Variants in B4GALNT4 observed in about 807,000 individuals in gnomAD.
B4GALNT4 encodes N-acetyl-beta-glucosaminyl-glycoprotein 4-beta-N-acetylgalactosaminyltransferase 1.
A neutral mutation model predicts 110.0 loss-of-function variants in B4GALNT4; 77 were observed. The observed-to-expected ratio is 0.70, with a 90% CI of 0.58 to 0.85. The LOEUF (loss-of-function observed/expected upper bound fraction) is 0.85, where lower values mean the gene tolerates loss of function less well. Among genes scored for constraint, B4GALNT4 ranks in the 40% least tolerant of loss-of-function variants. B4GALNT4 has a pLI of 0.00. For synonymous variants in B4GALNT4, 785 were observed against 655.5 expected (o/e 1.20, Z -3.02); for missense variants, 1,575 against 1,506.0 (o/e 1.05, Z -0.76).
At position 379,979 on chromosome 11, in the gene B4GALNT4, A is replaced by G; in HGVS notation, c.2602A>G (p.Met868Val). ...VVLVDFESED[M>V]DVERALRAAR... The stretch of plus-strand genomic sequence containing the variant: ...CCTGGTGGATTTCGAGAGCGAGGAT[A>G]TGGACGTGGAGCGGGCCCTGCGCGC... The change falls in exon 16 of 20, where the codon ATG (methionine) becomes GTG (valine). Residue 868 changes from methionine to valine, a missense_variant. Transcript: ENST00000329962. 6.2e-7 allele frequency: 1 copy of G among 1,613,008 alleles called. No homozygotes were observed. The highest frequency in any genetic ancestry group is 8.5e-7 in the Non-Finnish European group (1 of 1,179,828).
chr11:374,037 A>G lies in B4GALNT4; in HGVS notation c.783+209A>G, dbSNP rs533129386. On this transcript the variant is annotated intron_variant, in intron 8 of 19. Transcript: ENST00000329962. ...TTTGAGTAGAGTCTTGAGAGGATGG[A>G]GACCTTCAGTAGGGAGATGTGGGGG... Among the ~76,000 whole-genome samples, 3 of 152,074 alleles carry G rather than the reference A, an allele frequency of 2.0e-5. No individual in the cohort carries two copies. The East Asian group carries it at 5.8e-4, about 30-fold the overall frequency.
At position 376,131 on chromosome 11, in the gene B4GALNT4, G is replaced by C. The variant is rs746690452; in HGVS notation, c.1153G>C (p.Asp385His). The change falls in exon 12 of 20, where the codon GAC (aspartate) becomes CAC (histidine). Residue 385 changes from aspartate (D) to histidine (H), a missense_variant. Physicochemically the swap from Asp to His is moderately conservative, Grantham distance 81. Coordinates refer to ENST00000329962, the MANE Select transcript of B4GALNT4 (RefSeq NM_178537.5). The stretch of plus-strand genomic sequence containing the variant: ...CACTCGCCTCACCCACATGGAGACG[G>C]ACAACAAGTGCTTCTACCGCGAGTC... Reference protein sequence around the residue: ...DYTRLTHMETDNKCFYRESPL... With the variant: ...DYTRLTHMETHNKCFYRESPL... 2.7e-6 allele frequency: 4 copies of C among 1,456,188 alleles called. No individual in the cohort carries two copies. In the South Asian group the frequency reaches 4.5e-5, roughly 16 times the overall value. The allele number at this position is 1,456,188 out of a possible 1,614,324, so 90.2% of individuals were successfully genotyped here. A position where few individuals can be genotyped will look rare whatever the true frequency, so the allele number is the denominator to read the frequency against.
At chr11:375,423 C>G (rs1469192246) in intron 8 of B4GALNT4, 38 bp from the exon 9 acceptor site, 1 of 1,608,436 alleles carries the variant, frequency 6.2e-7, no homozygotes, top group African/African-American at 1.3e-5. Flanking sequence ...GACCCAGCCA[C>G]CGCCCTGTCC....
Position 377,150 on chromosome 11 carries a change from G to C in B4GALNT4, c.2027G>C (p.Arg676Pro), listed in dbSNP as rs770437353. The C allele has an allele frequency of 1.9e-6, 3 of 1,544,746 alleles. No individual in the cohort carries two copies. The Admixed American group carries it at 5.9e-5, about 31-fold the overall frequency. The change falls in exon 14 of 20, where the codon CGT (arginine) becomes CCT (proline). Residue 676 changes from arginine to proline, a missense_variant. By Grantham distance (103) the Arg-to-Pro change is moderately radical. Coordinates refer to ENST00000329962, the MANE Select transcript of B4GALNT4 (RefSeq NM_178537.5). ...EAAGPALGRW[R>P]EDAIDWQRTF... ...GCGGGCCCGGCGCTCGGACGCTGGC[G>C]TGAGGACGCCATCGACTGGCAGCGC... is the stretch of plus-strand genomic sequence containing the variant.
chr11:373,540 G>A (rs1846663381), intron 7 of B4GALNT4, 24 bp downstream of exon 7: 4 of 1,609,150 alleles, frequency 2.5e-6, no homozygotes, highest in South Asian at 1.1e-5. Flanking sequence ...GGGTGCATGT[G>A]CGTGCACTTG....
rs1846824711 is a variant in B4GALNT4 at position 379,445 on chromosome 11, C to A, written c.2232C>A (p.Asn744Lys). The change falls in exon 15 of 20, where the codon AAC (asparagine) becomes AAA (lysine). Residue 744 changes from asparagine (N) to lysine (K), a missense_variant. By Grantham distance (94) the Asn-to-Lys change is moderately conservative. Transcript: ENST00000329962. Reference sequence around the variant, plus strand: ...GCTTCGCGCTTCTGCGCATCGTGAACGTGGAGAAGCGCCGGGACTCGGCGC... The same window carrying A: ...GCTTCGCGCTTCTGCGCATCGTGAAAGTGGAGAAGCGCCGGGACTCGGCGC... ...GGRFALLRIV[N>K]VEKRRDSARG... 1 of 1,543,430 alleles carries A rather than the reference C, an allele frequency of 6.5e-7. No homozygotes were observed. Among genetic ancestry groups the A allele is most frequent in the Non-Finnish European group, 8.7e-7 (1 of 1,153,276 alleles).
chr11:377,844 C>T (rs1260760789), intron 14 of B4GALNT4, among the ~76,000 whole-genome samples: 2 of 152,252 alleles, frequency 1.3e-5, no homozygotes, highest in African/African-American at 4.8e-5. Flanking sequence ...CCTCTGGTCT[C>T]CCTGAGGCCC....
Position 372,749 on chromosome 11 carries a change from GA to G in B4GALNT4, c.344del (p.Glu115GlyfsTer7). 2.5e-6 allele frequency: 4 copies of G among 1,609,668 alleles called. No individual in the cohort carries two copies. The highest frequency in any genetic ancestry group is 3.4e-6 in the Non-Finnish European group (4 of 1,179,038). ...CACCCATCAGACACCCCCATGGCGGGAGGAGGTGAGCTGGCTCGGCCTGTAA... is the reference window on the plus strand; with the variant it reads ...CACCCATCAGACACCCCCATGGCGGGGGAGGTGAGCTGGCTCGGCCTGTAA... ...NFTHQTPPWR[E>X]EYKGQVNLHV... On this transcript the variant is annotated frameshift_variant, in exon 3 of 20. Coordinates refer to ENST00000329962, the MANE Select transcript of B4GALNT4 (RefSeq NM_178537.5). LOFTEE classifies it high-confidence loss of function.
At chr11:374,477 A>C (rs1416741982) in intron 8 of B4GALNT4, among the ~76,000 whole-genome samples, 1 of 147,018 alleles carries the variant, frequency 6.8e-6, no homozygotes. Context: ...TCAGCTGGGC[A>C]GAGGGCCCAG....
chr11:379,664 C>T lies in B4GALNT4; in HGVS notation c.2451C>T (p.Ala817=), dbSNP rs779779253. The T allele has an allele frequency of 6.6e-7, 1 of 1,504,700 alleles. No homozygotes were observed. Among genetic ancestry groups the T allele is most frequent in the Non-Finnish European group, 8.8e-7 (1 of 1,130,704 alleles). The allele number at this position is 1,504,700 out of a possible 1,614,324, so 93.2% of individuals were successfully genotyped here. Residue 817 remains alanine, a synonymous_variant, in exon 15 of 20, where the codon GCC becomes GCT. Transcript: ENST00000329962. ...AGCTCTGCCGGCCACTGCGCCTGGC[C>T]TGGCGCCAGGACGTGATGGTTCACT... is the stretch of plus-strand genomic sequence containing the variant. ...RPELCRPLRL[A]WRQDVMVHFI...
In B4GALNT4 at chr11:376,719, GGGACAGCGGGCA is replaced by G; in HGVS notation, c.1597_1608del (p.Gly533_Ala536del). The G allele has an allele frequency of 7.1e-7, 1 of 1,404,182 alleles. No individual in the cohort carries two copies. The highest frequency in any genetic ancestry group is 9.2e-7 in the Non-Finnish European group (1 of 1,085,204). The allele number at this position is 1,404,182 out of a possible 1,614,324, so 87.0% of individuals were successfully genotyped here. On this transcript the variant is annotated inframe_deletion, in exon 14 of 20. Transcript: ENST00000329962. ...AGGTGTACGTGACCAGGGTGCGGCC[GGGACAGCGGGCA>G]TCCCCCCGGGCCCCAGCGCCGCGTG...
At position 372,670 on chromosome 11, in the gene B4GALNT4, T is replaced by G. The variant is rs1846637706; in HGVS notation, c.264T>G (p.Gly88=). ...ESREEEQAPE[G]RDLDMLFPGG... ...CCTTTTCTCTCCTGCAGCCCGAAGG[T>G]CGGGACCTAGACATGCTGTTTCCTG... Residue 88 remains glycine, a synonymous_variant, in exon 3 of 20, where the codon GGT becomes GGG. Coordinates refer to ENST00000329962, the MANE Select transcript of B4GALNT4 (RefSeq NM_178537.5). 6.2e-7 allele frequency: 1 copy of G among 1,611,570 alleles called. No homozygotes were observed. The highest frequency in any genetic ancestry group is 8.5e-7 in the Non-Finnish European group (1 of 1,179,662).
In B4GALNT4 at chr11:376,843, C is replaced by A; in HGVS notation, c.1720C>A (p.Pro574Thr). The A allele has an allele frequency of 1.5e-6, 2 of 1,328,162 alleles. No homozygotes were observed. The highest frequency in any genetic ancestry group is 9.6e-7 in the Non-Finnish European group (1 of 1,039,792). 82.3% of individuals were successfully genotyped at this position (1,328,162 alleles called of 1,614,324 possible). A position where few individuals can be genotyped will look rare whatever the true frequency, so the allele number is the denominator to read the frequency against. ...GCGGGCGCCCCCACGCCCACCCCGG[C>A]CCCACGGCCGCAGGACCGGCGGCCC... Reference protein sequence around the residue: ...QLRAPPRPPRPHGRRTGGPQA... With the variant: ...QLRAPPRPPRTHGRRTGGPQA... Residue 574 changes from proline (P) to threonine (T), a missense_variant, in exon 14 of 20, where the codon CCC (proline) becomes ACC (threonine). Coordinates refer to ENST00000329962, the MANE Select transcript of B4GALNT4 (RefSeq NM_178537.5).
chr11:373,416 C>CA lies in B4GALNT4; in HGVS notation c.637-33_637-32insA, dbSNP rs772713906. ...CCCCAGGGAGAGAGTGAACCCCCCC[C>CA]CCCACCACCACCCCTGCTCTATCAC... On this transcript the variant is annotated intron_variant, in intron 6 of 19. Coordinates refer to ENST00000329962, the MANE Select transcript of B4GALNT4 (RefSeq NM_178537.5). 30 of 1,102,278 alleles carry CA rather than the reference C, an allele frequency of 2.7e-5. 1 individual carries two copies. The highest frequency in any genetic ancestry group is 5.3e-5 in the South Asian group (4 of 75,510). 68.3% of individuals were successfully genotyped at this position (1,102,278 alleles called of 1,614,324 possible).
Position 372,935 on chromosome 11 carries a change from G to A in B4GALNT4, c.432G>A (p.Pro144=), listed in dbSNP as rs376765254. The change falls in exon 4 of 20, where the codon CCG becomes CCA. Residue 144 remains proline, a synonymous_variant. Coordinates refer to ENST00000329962, the MANE Select transcript of B4GALNT4 (RefSeq NM_178537.5). ...VGHLRRNLHF[P]LFPHTRTTVK... is the part of the protein sequence containing the mutation. The stretch of plus-strand genomic sequence containing the variant: ...ACCTGAGGAGGAACCTGCACTTCCC[G>A]CTGTTCCCTCATGTGAGTGCCGGGG... The A allele has an allele frequency of 3.1e-5, 50 of 1,611,944 alleles. No homozygotes were observed. The South Asian group carries it at 3.7e-4, about 12-fold the overall frequency.
rs751185553 is a variant in B4GALNT4, at chr11:377,337, C to T, written c.2204+10C>T. On this transcript the variant is annotated intron_variant, in intron 14 of 19. Transcript: ENST00000329962. ...ACGCGCGCCACGGCGGGTATGGGGG[C>T]GGCCGAACGCGCGCCAGGGCGGTTT... 18 of 1,496,456 alleles carry T rather than the reference C, an allele frequency of 1.2e-5. No homozygotes were observed. The highest frequency in any genetic ancestry group is 9.0e-5 in the Admixed American group (4 of 44,360). The allele number at this position is 1,496,456 out of a possible 1,614,324, so 92.7% of individuals were successfully genotyped here.
intron 19 of B4GALNT4, 171 bp downstream of exon 19, chr11:381,122 C>A: frequency 1.0e-6 from 1 of 985,264 alleles, no homozygotes; most frequent in Non-Finnish European, 1.2e-6. Context: ...ACCCACATCA[C>A]TTCTGAAACC....
At position 372,901 on chromosome 11, in the gene B4GALNT4, C is replaced by T. The variant is rs778775824; in HGVS notation, c.398C>T (p.Ala133Val). 1.2e-6 allele frequency: 2 copies of T among 1,612,044 alleles called. No individual in the cohort carries two copies. Among genetic ancestry groups the T allele is most frequent in the South Asian group, 1.1e-5 (1 of 91,054 alleles). The change falls in exon 4 of 20, where the codon GCC becomes GTC. Residue 133 changes from alanine to valine, a missense_variant. Coordinates refer to ENST00000329962, the MANE Select transcript of B4GALNT4 (RefSeq NM_178537.5). ...LHVFEDWCGGAVGHLRRNLHF... is the reference protein window; with the variant it reads ...LHVFEDWCGGVVGHLRRNLHF... ...GTGTTTGAGGACTGGTGTGGGGGCGCCGTGGGCCACCTGAGGAGGAACCTG... is the reference window on the plus strand; with the variant it reads ...GTGTTTGAGGACTGGTGTGGGGGCGTCGTGGGCCACCTGAGGAGGAACCTG...
At position 373,413 on chromosome 11, in the gene B4GALNT4, C is replaced by CT. The variant is rs781234634; in HGVS notation, c.637-36_637-35insT. On this transcript the variant is annotated intron_variant, in intron 6 of 19. Coordinates refer to ENST00000329962, the MANE Select transcript of B4GALNT4 (RefSeq NM_178537.5). Reference sequence around the variant, plus strand: ...TGTCCCCAGGGAGAGAGTGAACCCCCCCCCCCACCACCACCCCTGCTCTAT... The same window carrying CT: ...TGTCCCCAGGGAGAGAGTGAACCCCCTCCCCCCACCACCACCCCTGCTCTAT... 5 of 1,088,880 alleles carry CT rather than the reference C, an allele frequency of 4.6e-6. 1 individual carries two copies. The highest frequency in any genetic ancestry group is 6.8e-6 in the Non-Finnish European group (5 of 739,900). 67.5% of individuals were successfully genotyped at this position (1,088,880 alleles called of 1,614,324 possible). A position where few individuals can be genotyped will look rare whatever the true frequency, so the allele number is the denominator to read the frequency against.
Sources: allele counts gnomAD v4.1 joint callset (sites outside exome capture counted in the v4.1 genomes callset), GRCh38; gene constraint gnomAD v4.1.1; transcripts MANE v1.5; gene names NCBI Gene and HGNC (gene_info 2026-07-23, HGNC 2026-07-21).